Variants in RSBN1 observed in about 807,000 individuals in gnomAD.
RSBN1 encodes the protein round spermatid basic protein 1.
A neutral mutation model predicts 74.8 loss-of-function variants in RSBN1; 23 were observed. That is an observed-to-expected ratio of 0.31 (90% CI 0.22 to 0.44). RSBN1 has a LOEUF of 0.44. Ranked by LOEUF, RSBN1 falls within the 20% of genes least tolerant of loss-of-function variation. The probability of loss-of-function intolerance (pLI) is 1.00; values close to 1 mark genes in which losing one functional copy is unlikely to be tolerated. For missense variants in RSBN1, 808 were observed against 1,020.9 expected (o/e 0.79, Z 2.84); for synonymous variants, 407 against 379.6 (o/e 1.07, Z -0.84).
intron 2 of RSBN1, among the ~76,000 whole-genome samples, chr1:113,795,318 AAC>A (rs1309458875): frequency 2.0e-5 from 3 of 152,330 alleles, no homozygotes; most frequent in Middle Eastern, 3.4e-3. Flanking sequence ...TTCCATGGGA[AAC>A]ACAGATAAAA....
At chr1:113,790,459 T>C (rs1414698494) in intron 2 of RSBN1, among the ~76,000 whole-genome samples, 4 of 152,022 alleles carry the variant, frequency 2.6e-5, no homozygotes, top group East Asian at 3.9e-4. Context: ...GAGGAGGAGA[T>C]AGAATATCTT....
intron 2 of RSBN1, among the ~76,000 whole-genome samples, chr1:113,784,981 T>C (rs1470188174): frequency 6.6e-6 from 1 of 152,216 alleles, no homozygotes; most frequent in Non-Finnish European, 1.5e-5. Context: ...TAAATTAACT[T>C]TAGCTTACTG....
chr1:113,804,803 TGG>T (rs1660669380), intron 1 of RSBN1, among the ~76,000 whole-genome samples: 1 of 152,078 alleles, frequency 6.6e-6, no homozygotes, highest in Non-Finnish European at 1.5e-5. Context: ...GAAGTGTTTC[TGG>T]ACTTAAAATC....
intron 1 of RSBN1, among the ~76,000 whole-genome samples, chr1:113,808,216 T>G (rs771069317): frequency 6.6e-6 from 1 of 152,210 alleles, no homozygotes; most frequent in Non-Finnish European, 1.5e-5. Flanking sequence ...GATCAAGTCC[T>G]TCATATAAAA....
intron 2 of RSBN1, among the ~76,000 whole-genome samples, chr1:113,780,650 AG>A (rs1269152477): frequency 1.1e-4 from 16 of 152,318 alleles, no homozygotes; most frequent in Non-Finnish European, 1.8e-4. Flanking sequence ...CACAAAGAAA[AG>A]CTTCTCATCT....
chr1:113,801,023 A>C (rs1183658148), intron 1 of RSBN1, among the ~76,000 whole-genome samples: 1 of 151,292 alleles, frequency 6.6e-6, no homozygotes, highest in East Asian at 1.9e-4. Context: ...TCTGTTGCCC[A>C]GGATGGAGTG....
chr1:113,796,058 G>C (rs1660465881), intron 2 of RSBN1: 1 of 151,904 alleles, frequency 6.6e-6, no homozygotes, highest in Non-Finnish European at 1.5e-5. Context: ...ACTATATTAG[G>C]AGAAATGTTT....
intron 3 of RSBN1, 69 bp downstream of exon 3, chr1:113,777,602 T>C: frequency 7.1e-7 from 1 of 1,417,830 alleles, no homozygotes; most frequent in Non-Finnish European, 9.6e-7. Context: ...ATTAGCTAAA[T>C]ACTCTTCAAC....
chr1:113,777,451 A>C, intron 3 of RSBN1, 99 bp from the exon 4 acceptor site: 1 of 1,176,644 alleles, frequency 8.5e-7, no homozygotes, highest in South Asian at 1.8e-5. Context: ...CTTTTTTACA[A>C]CTGTATATAA....
intron 2 of RSBN1, among the ~76,000 whole-genome samples, chr1:113,788,991 T>C (rs1660312146): frequency 6.6e-6 from 1 of 152,124 alleles, no homozygotes; most frequent in African/African-American, 2.4e-5. Context: ...GAGTGTGATA[T>C]TGTGCAATAT....
At chr1:113,771,503 T>C (rs1391033287) in intron 4 of RSBN1, among the ~76,000 whole-genome samples, 1 of 142,908 alleles carries the variant, frequency 7.0e-6, no homozygotes, top group Non-Finnish European at 1.5e-5. Context: ...GATATCCACA[T>C]AAAAAAACTG....
In RSBN1 at chr1:113,806,636, GA is replaced by G. The variant is rs963958254; in HGVS notation, c.703+5073del. The stretch of plus-strand genomic sequence containing the variant: ...GATGCCAAAAACATGATCCATTAAA[GA>G]AAAAAAAAAACTTAGTAAATTGGAT... On this transcript the variant is annotated intron_variant, in intron 1 of 6. Transcript: ENST00000261441. Among the ~76,000 whole-genome samples the G allele has an allele frequency of 3.1e-3, 435 of 141,924 alleles. 2 individuals carry two copies. The highest frequency in any genetic ancestry group is 8.6e-3 in the African/African-American group (336 of 38,896). The allele number at this position is 141,924 out of a possible 152,430, so 93.1% of individuals were successfully genotyped here.
rs771921026 is a variant in RSBN1, at chr1:113,768,398, G to GATT, written c.1659-12_1659-10dup. On this transcript the variant is annotated splice_polypyrimidine_tract_variant and intron_variant, in intron 4 of 6. Transcript: ENST00000261441. ...TTATTTCATTCATTGATCTAGAGTT[G>GATT]ATTTGGTTGTTAAACAAAGGGTAAG... 2.3e-5 allele frequency: 36 copies of GATT among 1,565,234 alleles called. No individual in the cohort carries two copies. In the South Asian group the frequency reaches 4.0e-4, roughly 17 times the overall value.
At chr1:113,811,000 G>C (rs1382063066) in intron 1 of RSBN1, among the ~76,000 whole-genome samples, 1 of 152,166 alleles carries the variant, frequency 6.6e-6, no homozygotes, top group African/African-American at 2.4e-5. Context: ...GATCCACAAA[G>C]TGTGCTAGAC....
At chr1:113,811,618 G>T in intron 1 of RSBN1, 92 bp downstream of exon 1, 1 of 1,475,444 alleles carries the variant, frequency 6.8e-7, no homozygotes. Flanking sequence ...CAGAAGGTAA[G>T]CAGGGGTTTG....
Position 113,764,062 on chromosome 1 carries a change from A to T in RSBN1, c.*1918T>A, listed in dbSNP as rs1659736402. 6.6e-6 allele frequency: 1 copy of T among 152,434 alleles called. No individual in the cohort carries two copies. The highest frequency in any genetic ancestry group is 2.1e-4 in the South Asian group (1 of 4,834). 9.4% of individuals were successfully genotyped at this position (152,434 alleles called of 1,614,324 possible). On this transcript the variant is annotated 3_prime_UTR_variant, in exon 7 of 7. Coordinates refer to ENST00000261441, the MANE Select transcript of RSBN1 (RefSeq NM_018364.5). ...AAAGCTCTTCTGGACAGAAAAATAA[A>T]AACAAGAAATAACCCAAACCCACAC... is the stretch of plus-strand genomic sequence containing the variant.
intron 2 of RSBN1, among the ~76,000 whole-genome samples, chr1:113,779,987 T>C (rs1283601906): frequency 6.6e-6 from 1 of 151,366 alleles, no homozygotes; most frequent in Non-Finnish European, 1.5e-5. Context: ...GCCACTGCAC[T>C]CCAGCCTGGG....
At chr1:113,789,705 T>C (rs1660328319) in intron 2 of RSBN1, among the ~76,000 whole-genome samples, 2 of 152,180 alleles carry the variant, frequency 1.3e-5, no homozygotes, top group East Asian at 3.9e-4. Flanking sequence ...TGGTGTCTGC[T>C]GAAGAACTGA....
chr1:113,784,325 A>T (rs1465742825), intron 2 of RSBN1, among the ~76,000 whole-genome samples: 1 of 152,182 alleles, frequency 6.6e-6, no homozygotes, highest in Non-Finnish European at 1.5e-5. Flanking sequence ...TTGTACTTAC[A>T]CAAATCTAAG....
Sources: allele counts gnomAD v4.1 joint callset (sites outside exome capture counted in the v4.1 genomes callset), GRCh38; gene constraint gnomAD v4.1.1; transcripts MANE v1.5; gene names NCBI Gene and HGNC (gene_info 2026-07-23, HGNC 2026-07-21).